The following RORA variants were observed in gnomAD, a reference collection of about 807,000 sequenced individuals.
RORA encodes the protein RAR related orphan receptor A.
Under a neutral mutation model 69.5 loss-of-function variants are expected in RORA, and 7 were observed. The ratio of observed to expected loss-of-function variants is 0.10; its 90% CI spans 0.06 to 0.19. The LOEUF (loss-of-function observed/expected upper bound fraction) is 0.19. RORA is among the 10% of genes least tolerant of loss of function. The pLI is 1.00. For synonymous variants in RORA, 261 were observed against 240.8 expected, an observed-to-expected ratio of 1.08 and a Z score of -0.78; for missense variants, 457 against 663.0, an observed-to-expected ratio of 0.69 and a Z score of 3.41.
chr15:61,154,985 A>C (rs546940138), intron 1 of RORA, among the ~76,000 whole-genome samples: 144 of 151,418 alleles, frequency 9.5e-4, no homozygotes, highest in African/African-American at 3.2e-3. Flanking sequence ...TGTTCGAAGA[A>C]AGTTACAGTT....
intron 1 of RORA, among the ~76,000 whole-genome samples, chr15:60,952,463 A>C (rs1893137838): frequency 1.3e-5 from 2 of 151,954 alleles, no homozygotes; most frequent in African/African-American, 2.4e-5. Context: ...GGAGAAGGAA[A>C]TAAAGGGTAT....
intron 2 of RORA, among the ~76,000 whole-genome samples, chr15:60,609,673 T>A (rs1182751371): frequency 1.3e-5 from 2 of 151,722 alleles, no homozygotes; most frequent in African/African-American, 2.4e-5. Flanking sequence ...ACAGAAGAGG[T>A]TGATAAAAAT....
intron 1 of RORA, among the ~76,000 whole-genome samples, chr15:60,867,942 T>G (rs1344380272): frequency 1.3e-5 from 2 of 152,234 alleles, no homozygotes; most frequent in Non-Finnish European, 2.9e-5. Context: ...CTGGTCATGA[T>G]AGTTTTCAAT....
chr15:61,206,395 A>T (rs2079941934), intron 1 of RORA, among the ~76,000 whole-genome samples: 1 of 152,234 alleles, frequency 6.6e-6, no homozygotes, highest in South Asian at 2.1e-4. Flanking sequence ...ATAAAACAAT[A>T]GCTGAGGACT....
intron 1 of RORA, among the ~76,000 whole-genome samples, chr15:60,911,707 T>TG (rs1197166590): frequency 6.6e-6 from 1 of 150,830 alleles, no homozygotes; most frequent in African/African-American, 2.4e-5. Flanking sequence ...TTTTTGATTT[T>TG]TTTTTTTTTT....
intron 2 of RORA, among the ~76,000 whole-genome samples, chr15:60,538,125 G>A (rs1359661606): frequency 1.3e-5 from 2 of 152,150 alleles, no homozygotes; most frequent in East Asian, 3.8e-4. Flanking sequence ...ACAAGAAAGA[G>A]AGACTTGGTG....
intron 1 of RORA, among the ~76,000 whole-genome samples, chr15:60,876,497 C>T (rs1480266513): frequency 4.6e-5 from 7 of 152,256 alleles, no homozygotes; most frequent in South Asian, 2.1e-4. Flanking sequence ...TGCACTGATG[C>T]CCATACACAT....
At chr15:60,728,200 TTTTA>T (rs763787407) in intron 1 of RORA, among the ~76,000 whole-genome samples, 16 of 152,362 alleles carry the variant, frequency 1.1e-4, no homozygotes, top group Admixed American at 3.3e-4. Context: ...CTTTTTGCTT[TTTTA>T]TTTATTTACC....
At chr15:60,782,849 A>G (rs1387869617) in intron 1 of RORA, among the ~76,000 whole-genome samples, 1 of 152,250 alleles carries the variant, frequency 6.6e-6, no homozygotes, top group Non-Finnish European at 1.5e-5. Flanking sequence ...AGCTGCATGG[A>G]AACTGATAGA....
chr15:60,950,211 T>C (rs931648251), intron 1 of RORA, among the ~76,000 whole-genome samples: 3 of 150,614 alleles, frequency 2.0e-5, no homozygotes, highest in African/African-American at 7.3e-5. Context: ...GAAGGAGAAA[T>C]AAAACACTTT....
At chr15:60,988,372 T>C (rs952951223) in intron 1 of RORA, among the ~76,000 whole-genome samples, 1 of 152,182 alleles carries the variant, frequency 6.6e-6, no homozygotes, top group African/African-American at 2.4e-5. Context: ...TCACATTTGA[T>C]GCTCCTGGAA....
intron 2 of RORA, among the ~76,000 whole-genome samples, chr15:60,614,500 A>G (rs550532954): frequency 1.3e-5 from 2 of 152,328 alleles, no homozygotes; most frequent in South Asian, 4.2e-4. Context: ...TTTGAGGAAA[A>G]GAGGCATTCA....
At chr15:60,542,538 CAGAT>C (rs1311290975) in intron 2 of RORA, among the ~76,000 whole-genome samples, 5 of 135,870 alleles carry the variant, frequency 3.7e-5, no homozygotes, top group African/African-American at 9.9e-5. Flanking sequence ...ACACCTCACA[CAGAT>C]GGCACACATG....
At chr15:60,517,640 A>T (rs1249246403) in intron 3 of RORA, among the ~76,000 whole-genome samples, 1 of 152,024 alleles carries the variant, frequency 6.6e-6, no homozygotes. Context: ...CTAGGTATTC[A>T]TTTTCCCCTG....
At chr15:60,754,993 T>TA (rs2140865055) in intron 1 of RORA, among the ~76,000 whole-genome samples, 1 of 151,620 alleles carries the variant, frequency 6.6e-6, no homozygotes, top group African/African-American at 2.4e-5. Flanking sequence ...TTTTTTTTTT[T>TA]TTATATATAC....
At chr15:60,873,949 C>T (rs1315128690) in intron 1 of RORA, among the ~76,000 whole-genome samples, 2 of 152,020 alleles carry the variant, frequency 1.3e-5, no homozygotes, top group Non-Finnish European at 1.5e-5. Flanking sequence ...TATAAATATT[C>T]GCCAATTAGC....
chr15:61,181,565 C>T (rs1423625424), intron 1 of RORA, among the ~76,000 whole-genome samples: 1 of 150,164 alleles, frequency 6.7e-6, no homozygotes, highest in African/African-American at 2.5e-5. Context: ...AATTCATGCT[C>T]TGAAATTAAT....
At chr15:60,938,394 T>C (rs1892591089) in intron 1 of RORA, among the ~76,000 whole-genome samples, 1 of 152,200 alleles carries the variant, frequency 6.6e-6, no homozygotes, top group African/African-American at 2.4e-5. Context: ...GTTTCTGCAG[T>C]GGAAGGTTGC....
intron 1 of RORA, among the ~76,000 whole-genome samples, chr15:60,846,671 G>T (rs141022462): frequency 6.6e-6 from 1 of 152,132 alleles, no homozygotes; most frequent in African/African-American, 2.4e-5. Flanking sequence ...GATGGTACCC[G>T]CAGGCTGGAT....
Sources: gnomAD v4.1 joint callset for allele counts (sites outside exome capture counted in the v4.1 genomes callset) on GRCh38, gnomAD v4.1.1 for gene constraint, MANE v1.5 for transcripts, NCBI Gene and HGNC (gene_info 2026-07-23, HGNC 2026-07-21) for gene names.